PHF24: variants seen among roughly 807,000 people sequenced by gnomAD.
The protein encoded by PHF24 is PHD finger protein 24, also known as Galpha inhibitory interacting protein.
Under a neutral mutation model 42.6 loss-of-function variants are expected in PHF24, and 25 were observed. The observed-to-expected ratio is 0.59, with a 90% CI of 0.43 to 0.82. The LOEUF (loss-of-function observed/expected upper bound fraction) is 0.82. Among genes scored for constraint, PHF24 ranks in the 40% least tolerant of loss-of-function variants. PHF24 has a pLI of 0.00. For synonymous variants in PHF24, 185 were observed against 204.8 expected (o/e 0.90, Z 0.83); for missense variants, 470 against 538.1 (o/e 0.87, Z 1.25).
At chr9:34,837,660 A>G in the PHF24 span, 2 of 1,521,156 alleles carry the variant, frequency 1.3e-6, no homozygotes, top group Non-Finnish European at 1.8e-6. Flanking sequence ...TCACCTGTTG[A>G]TGCTGCATCT....
the PHF24 span, among the ~76,000 whole-genome samples, chr9:34,752,737 A>G: frequency 0.012 from 1,885 of 152,298 alleles, 23 homozygotes; most frequent in Admixed American, 0.027. Context: ...CATCAAAAAC[A>G]GAAAACCACA....
chr9:34,729,724 C>T, the PHF24 span, among the ~76,000 whole-genome samples: 2 of 152,198 alleles, frequency 1.3e-5, no homozygotes, highest in African/African-American at 2.4e-5. Context: ...CCTGATGCCT[C>T]GGCTCTCTCC....
At chr9:34,764,339 T>G in the PHF24 span, among the ~76,000 whole-genome samples, 2 of 152,018 alleles carry the variant, frequency 1.3e-5, no homozygotes, top group African/African-American at 4.8e-5. Context: ...GGACTCTTTT[T>G]GGTTGGTAAG....
At chr9:34,977,204 T>G in exon 6 of PHF24, 1 of 1,612,854 alleles carries the variant, frequency 6.2e-7, no homozygotes, top group Non-Finnish European at 8.5e-7. Flanking sequence ...CACTCTTGGT[T>G]TTGCAAACGG....
At chr9:34,789,213 G>C in the PHF24 span, among the ~76,000 whole-genome samples, 9 of 152,286 alleles carry the variant, frequency 5.9e-5, no homozygotes, top group East Asian at 1.7e-3. Flanking sequence ...CTCTGATACC[G>C]TGAAAACCTA....
rs1444305507 is a variant in PHF24, at chr9:34,958,405, A to AGCGGGG, written c.-5+15_-5+20dup. On this transcript the variant is annotated splice_donor_region_variant and intron_variant, in intron 1 of 7. Coordinates refer to ENST00000242315, the Ensembl canonical transcript of PHF24. The surrounding 1 kb of genome is among the most constrained non-coding windows in gnomAD (Gnocchi z 4.5). ...GTCCCGCACCCGGACGGTCCCGGTA[A>AGCGGGG]GCGGGGGCGGGGGCGGCGGGGACCG... 3 of 152,100 alleles carry AGCGGGG rather than the reference A, an allele frequency of 2.0e-5. No homozygotes were observed. Among genetic ancestry groups the AGCGGGG allele is most frequent in the East Asian group, 2.0e-4 (1 of 5,102 alleles). 9.4% of individuals were successfully genotyped at this position (152,100 alleles called of 1,614,324 possible). A position where few individuals can be genotyped will look rare whatever the true frequency, so the allele number is the denominator to read the frequency against.
the PHF24 span, among the ~76,000 whole-genome samples, chr9:34,882,614 T>C: frequency 6.8e-4 from 103 of 151,322 alleles, no homozygotes; most frequent in African/African-American, 2.2e-3. Flanking sequence ...CTGTTCACAA[T>C]TGCTTCAAAC....
the PHF24 span, among the ~76,000 whole-genome samples, chr9:34,949,826 A>C: frequency 6.6e-6 from 1 of 152,028 alleles, no homozygotes; most frequent in African/African-American, 2.4e-5. Flanking sequence ...AAGGAGGGGA[A>C]CATTACACAC....
chr9:34,938,519 G>A, the PHF24 span, among the ~76,000 whole-genome samples: 3 of 152,286 alleles, frequency 2.0e-5, no homozygotes, highest in South Asian at 2.1e-4. Flanking sequence ...TGGTTATATC[G>A]CCAGGATTAT....
In PHF24 at chr9:34,976,489, AG is replaced by A. The variant is rs1239646515; in HGVS notation, c.644-44del. ...CCCTGGAGGTGATGGAGGTGCCCTG[AG>A]GCTGAGGAAGGATGGGCATGGCTAG... is the stretch of plus-strand genomic sequence containing the variant. On this transcript the variant is annotated intron_variant, in intron 4 of 7. Coordinates refer to ENST00000242315, the Ensembl canonical transcript of PHF24. 4 of 1,577,840 alleles carry A rather than the reference AG, an allele frequency of 2.5e-6. No individual in the cohort carries two copies. In the South Asian group the frequency reaches 4.6e-5, roughly 18 times the overall value.
At chr9:34,718,683 A>C in the PHF24 span, among the ~76,000 whole-genome samples, 1 of 152,202 alleles carries the variant, frequency 6.6e-6, no homozygotes, top group Non-Finnish European at 1.5e-5. Context: ...CAGTGTCTCC[A>C]TGGAGTCTAT....
At chr9:34,785,992 A>G in the PHF24 span, among the ~76,000 whole-genome samples, 1 of 152,188 alleles carries the variant, frequency 6.6e-6, no homozygotes, top group African/African-American at 2.4e-5. Flanking sequence ...CTGTCCTCAT[A>G]CAAGATATGA....
chr9:34,892,681 G>A, the PHF24 span: 7 of 462,298 alleles, frequency 1.5e-5, no homozygotes, highest in Non-Finnish European at 2.3e-5. Context: ...GGACAAATTT[G>A]GAGTTGTTTT....
chr9:34,780,290 CTTTTTTTCTTTTTTTTT>C, the PHF24 span, among the ~76,000 whole-genome samples: 1 of 113,952 alleles, frequency 8.8e-6, no homozygotes, highest in African/African-American at 3.1e-5. Flanking sequence ...TCTTTTTTTT[CTTTTTTTCTTTTTTTTT>C]TTTTTTTTTG....
At chr9:34,849,463 C>G in the PHF24 span, among the ~76,000 whole-genome samples, 1 of 151,774 alleles carries the variant, frequency 6.6e-6, no homozygotes, top group African/African-American at 2.4e-5. Context: ...GGTAGATCTT[C>G]CTCCATCCTT....
chr9:34,952,480 C>A, the PHF24 span, among the ~76,000 whole-genome samples: 1 of 152,076 alleles, frequency 6.6e-6, no homozygotes, highest in Non-Finnish European at 1.5e-5. Flanking sequence ...AATTAAAATG[C>A]CACCAGGATT....
chr9:34,968,145 T>G (rs911686189), intron 1 of PHF24, among the ~76,000 whole-genome samples: 10 of 152,262 alleles, frequency 6.6e-5, no homozygotes, highest in African/African-American at 2.4e-4. Flanking sequence ...TTAATATGTT[T>G]GCATATTTTG....
At chr9:34,982,364 C>G (rs1266883080) in exon 8 of PHF24, 2 of 152,220 alleles carry the variant, frequency 1.3e-5, no homozygotes, top group Non-Finnish European at 2.9e-5. Flanking sequence ...ATGCCCTTCC[C>G]ATGTGCTTTT....
chr9:34,917,589 C>A, the PHF24 span: 1 of 775,366 alleles, frequency 1.3e-6, no homozygotes, highest in Non-Finnish European at 2.4e-6. Flanking sequence ...CAGGAATATA[C>A]CCTCATGGGG....
Sources: allele counts gnomAD v4.1 joint callset (sites outside exome capture counted in the v4.1 genomes callset), GRCh38; gene constraint gnomAD v4.1.1; non-coding constraint Gnocchi (gnomAD v3.1); transcripts MANE v1.5; gene names NCBI Gene and HGNC (gene_info 2026-07-23, HGNC 2026-07-21).